SAMD12: variants seen among roughly 807,000 people sequenced by gnomAD.
SAMD12 encodes the protein sterile alpha motif domain containing 12.
In SAMD12, 9 loss-of-function variants were observed where a neutral mutation model predicts 15.0. That is an observed-to-expected ratio of 0.60 (90% CI 0.36 to 1.05). SAMD12 has a LOEUF of 1.05. Ranked by LOEUF, SAMD12 falls within the 50% of genes least tolerant of loss-of-function variation. The pLI is 0.01. For synonymous variants in SAMD12, 86 were observed against 90.1 expected (o/e 0.96, Z 0.25); for missense variants, 230 against 234.2 (o/e 0.98, Z 0.12).
At chr8:118,435,099 T>C (rs111288356) in intron 3 of SAMD12, among the ~76,000 whole-genome samples, 2,373 of 21,440 alleles carry the variant, frequency 0.11, 655 homozygotes, top group South Asian at 0.21. Flanking sequence ...TGAGACTCCA[T>C]CTCAAAAAAA....
intron 4 of SAMD12, among the ~76,000 whole-genome samples, chr8:118,236,413 C>T (rs1812432103): frequency 6.6e-6 from 1 of 152,158 alleles, no homozygotes; most frequent in Middle Eastern, 3.2e-3. Flanking sequence ...AAGAGTGGCA[C>T]TCACCAATGA....
At chr8:118,545,634 T>C (rs1463786845) in intron 2 of SAMD12, among the ~76,000 whole-genome samples, 1 of 152,200 alleles carries the variant, frequency 6.6e-6, no homozygotes, top group Non-Finnish European at 1.5e-5. Context: ...CATACTTCAA[T>C]GAATCTTGAT....
intron 4 of SAMD12, among the ~76,000 whole-genome samples, chr8:118,232,166 C>T (rs968245468): frequency 6.6e-6 from 1 of 152,142 alleles, no homozygotes. Context: ...CAGGCCTCCT[C>T]CTGAGTCTCA....
chr8:118,383,542 C>T (rs1428842318), intron 3 of SAMD12, among the ~76,000 whole-genome samples: 1 of 152,134 alleles, frequency 6.6e-6, no homozygotes, highest in East Asian at 1.9e-4. Context: ...GTGAACATTC[C>T]CTGCTTCTGC....
At chr8:118,538,655 T>C (rs1360770001) in intron 2 of SAMD12, among the ~76,000 whole-genome samples, 3 of 152,162 alleles carry the variant, frequency 2.0e-5, no homozygotes, top group Non-Finnish European at 2.9e-5. Flanking sequence ...GTGTAGGCAA[T>C]TCAAGACTGT....
chr8:118,468,609 C>T (rs1285745174), intron 2 of SAMD12, among the ~76,000 whole-genome samples: 1 of 152,136 alleles, frequency 6.6e-6, no homozygotes, highest in East Asian at 1.9e-4. Flanking sequence ...CTCCTTGACT[C>T]AAGCACCTGG....
chr8:118,474,366 A>G (rs1456121262), intron 2 of SAMD12, among the ~76,000 whole-genome samples: 1 of 152,032 alleles, frequency 6.6e-6, no homozygotes, highest in African/African-American at 2.4e-5. Flanking sequence ...AGTGCTTATT[A>G]TGTGCCAAAC....
chr8:118,430,367 T>C (rs974323451), intron 3 of SAMD12, among the ~76,000 whole-genome samples: 1 of 120,826 alleles, frequency 8.3e-6, no homozygotes, highest in African/African-American at 2.7e-5. Context: ...CATTCTGTAA[T>C]TGCCTTTTTT....
intron 4 of SAMD12, among the ~76,000 whole-genome samples, chr8:118,205,685 C>T (rs1473340606): frequency 6.6e-6 from 1 of 152,222 alleles, no homozygotes; most frequent in Non-Finnish European, 1.5e-5. Context: ...CCCACCCTCT[C>T]ACCCCTTGGT....
chr8:118,178,453 G>GT, the SAMD12 span, among the ~76,000 whole-genome samples: 12 of 151,804 alleles, frequency 7.9e-5, no homozygotes, highest in African/African-American at 2.2e-4. Context: ...CAAACACTAG[G>GT]TTTTTTTTAA....
intron 3 of SAMD12, among the ~76,000 whole-genome samples, chr8:118,418,035 T>A (rs1821793083): frequency 1.3e-5 from 2 of 152,220 alleles, no homozygotes; most frequent in Admixed American, 1.3e-4. Context: ...TTTCTTTTTT[T>A]ATATTCTTTC....
chr8:118,259,904 A>G (rs1813036847), intron 4 of SAMD12, among the ~76,000 whole-genome samples: 1 of 152,134 alleles, frequency 6.6e-6, no homozygotes, highest in Non-Finnish European at 1.5e-5. Flanking sequence ...TTTAATGTTA[A>G]TACATTAAAA....
chr8:118,263,840 T>G (rs1360143699), intron 4 of SAMD12, among the ~76,000 whole-genome samples: 1 of 152,096 alleles, frequency 6.6e-6, no homozygotes, highest in Non-Finnish European at 1.5e-5. Flanking sequence ...ATGGAAATGG[T>G]GCTCTCAGTC....
the SAMD12 span, among the ~76,000 whole-genome samples, chr8:118,139,796 T>A: frequency 5.9e-5 from 9 of 152,318 alleles, no homozygotes; most frequent in East Asian, 1.7e-3. Flanking sequence ...CCCACCCACC[T>A]ACCAAAAGAC....
intron 2 of SAMD12, among the ~76,000 whole-genome samples, chr8:118,573,611 A>T (rs1827077762): frequency 6.6e-6 from 1 of 152,328 alleles, no homozygotes; most frequent in South Asian, 2.1e-4. Context: ...TGAAGAGTGA[A>T]GGGTAATGGA....
At chr8:118,568,943 A>G (rs1826929335) in intron 2 of SAMD12, among the ~76,000 whole-genome samples, 1 of 152,216 alleles carries the variant, frequency 6.6e-6, no homozygotes, top group Non-Finnish European at 1.5e-5. Context: ...ATTTTAAAAA[A>G]TTCTGCTTGG....
intron 2 of SAMD12, among the ~76,000 whole-genome samples, chr8:118,518,606 C>G (rs1028898914): frequency 6.6e-6 from 1 of 152,146 alleles, no homozygotes; most frequent in Non-Finnish European, 1.5e-5. Flanking sequence ...TTGTGTTAAA[C>G]TGGGAGTAAA....
the SAMD12 span, among the ~76,000 whole-genome samples, chr8:118,152,307 T>C: frequency 1.3e-5 from 2 of 152,176 alleles, no homozygotes; most frequent in East Asian, 1.9e-4. Flanking sequence ...CACCAAAAAG[T>C]AAAACATTTA....
chr8:118,569,516 C>T (rs1201142131), intron 2 of SAMD12, among the ~76,000 whole-genome samples: 4 of 152,122 alleles, frequency 2.6e-5, no homozygotes, highest in Non-Finnish European at 5.9e-5. Flanking sequence ...GTTTGTGCCT[C>T]CTAAAACTGA....
Sources: gnomAD v4.1 joint callset for allele counts (sites outside exome capture counted in the v4.1 genomes callset) on GRCh38, gnomAD v4.1.1 for gene constraint, MANE v1.5 for transcripts, NCBI Gene and HGNC (gene_info 2026-07-23, HGNC 2026-07-21) for gene names.